APAF1: variants seen among roughly 807,000 people sequenced by gnomAD.
APAF1 encodes apoptotic protease-activating factor 1.
Under a neutral mutation model 152.4 loss-of-function variants are expected in APAF1, and 91 were observed. That is an observed-to-expected ratio of 0.60 (90% confidence interval 0.50 to 0.71). APAF1 has a LOEUF of 0.71. Among genes scored for constraint, APAF1 ranks in the 30% least tolerant of loss-of-function variants. The probability of loss-of-function intolerance (pLI) is 0.00; values close to 1 mark genes in which losing one functional copy is unlikely to be tolerated. For missense variants in APAF1, 1,283 were observed against 1,472.0 expected, an observed-to-expected ratio of 0.87 and a Z score of 2.10; for synonymous variants, 484 against 494.1, an observed-to-expected ratio of 0.98 and a Z score of 0.27.
At chr12:98,709,939 G>C (rs1160556576) in intron 20 of APAF1, among the ~76,000 whole-genome samples, 1 of 152,150 alleles carries the variant, frequency 6.6e-6, no homozygotes, top group Non-Finnish European at 1.5e-5. Flanking sequence ...GCAGTGGCAC[G>C]ATCTTGGCTC....
At chr12:98,673,785 A>G (rs756138030) in intron 12 of APAF1, among the ~76,000 whole-genome samples, 2 of 152,234 alleles carry the variant, frequency 1.3e-5, no homozygotes, top group African/African-American at 4.8e-5. Context: ...AAGGAGTTCA[A>G]AATCTCGTAG....
At chr12:98,648,986 C>T in intron 3 of APAF1, 171 bp downstream of exon 3, 2 of 788,716 alleles carry the variant, frequency 2.5e-6, no homozygotes, top group South Asian at 1.5e-5. Context: ...TCCACATTAA[C>T]TCTCAACTTT....
chr12:98,683,544 G>T lies in APAF1; in HGVS notation c.2178+270G>T, dbSNP rs927890794. Among the ~76,000 whole-genome samples, 4 of 152,192 alleles carry T rather than the reference G, an allele frequency of 2.6e-5. No homozygotes were observed. In the East Asian group the frequency reaches 7.7e-4, roughly 29 times the overall value. Reference sequence around the variant, plus strand: ...GGCTCTACCTCCCTTTCCATCTCCAGAGTCTTGACTTCCTCTGTGTTGGTT... The same window carrying T: ...GGCTCTACCTCCCTTTCCATCTCCATAGTCTTGACTTCCTCTGTGTTGGTT... On this transcript the variant is annotated intron_variant, in intron 15 of 26. Coordinates refer to ENST00000551964, the MANE Select transcript of APAF1 (RefSeq NM_181861.2).
chr12:98,707,928 G>A (rs1438144427), intron 19 of APAF1, among the ~76,000 whole-genome samples: 1 of 152,108 alleles, frequency 6.6e-6, no homozygotes, highest in Non-Finnish European at 1.5e-5. Context: ...TGATGTAGTT[G>A]ATTTACGTTC....
intron 24 of APAF1, 150 bp downstream of exon 24, chr12:98,723,914 G>T: frequency 1.2e-6 from 1 of 826,334 alleles, no homozygotes; most frequent in Non-Finnish European, 2.0e-6. Flanking sequence ...TTGGCATTTA[G>T]TTGGTATCAA....
chr12:98,652,023 G>A (rs2097649643), intron 4 of APAF1, among the ~76,000 whole-genome samples: 1 of 152,048 alleles, frequency 6.6e-6, no homozygotes, highest in African/African-American at 2.4e-5. Context: ...TCATGTTACC[G>A]AGGTTGGTCT....
intron 21 of APAF1, among the ~76,000 whole-genome samples, chr12:98,713,034 G>T (rs1290047738): frequency 2.6e-5 from 4 of 152,102 alleles, no homozygotes; most frequent in Admixed American, 2.6e-4. Flanking sequence ...GCCCAGGCTG[G>T]CCTTAAACTC....
rs1253685007 is a variant in APAF1 at position 98,712,621 on chromosome 12, A to G, written c.2958+186A>G. 7.0e-6 allele frequency: 4 copies of G among 568,094 alleles called. No homozygotes were observed. The East Asian group carries it at 9.3e-5, about 13-fold the overall frequency. The allele number at this position is 568,094 out of a possible 1,614,324, so 35.2% of individuals were successfully genotyped here. A position where few individuals can be genotyped will look rare whatever the true frequency, so the allele number is the denominator to read the frequency against. Reference sequence around the variant, plus strand: ...AGCCTTGACCTTCTGAGCTCAAGTGATTTTCCCACTTAAGCCTCCTGAGTA... The same window carrying G: ...AGCCTTGACCTTCTGAGCTCAAGTGGTTTTCCCACTTAAGCCTCCTGAGTA... On this transcript the variant is annotated intron_variant, in intron 21 of 26. Coordinates refer to ENST00000551964, the MANE Select transcript of APAF1 (RefSeq NM_181861.2).
Position 98,677,583 on chromosome 12 carries a change from A to C in APAF1, c.1920+32A>C, listed in dbSNP as rs142801831. On this transcript the variant is annotated intron_variant, in intron 13 of 26. Transcript: ENST00000551964. ...CACATCTCTTGAGAAAAATGCAAAG[A>C]GGCATGTATCCAGTTTTGTGCAGAT... 1.8e-4 allele frequency: 288 copies of C among 1,613,978 alleles called. No individual in the cohort carries two copies. The African/African-American group carries it at 2.7e-3, about 15-fold the overall frequency.
intron 15 of APAF1, among the ~76,000 whole-genome samples, chr12:98,686,431 T>C (rs2097698101): frequency 6.6e-6 from 1 of 152,226 alleles, no homozygotes; most frequent in South Asian, 2.1e-4. Context: ...TTTTTGTAAC[T>C]GAGTAAAATA....
chr12:98,709,575 G>A (rs1196094539), intron 20 of APAF1, among the ~76,000 whole-genome samples: 17 of 152,120 alleles, frequency 1.1e-4, no homozygotes, highest in Admixed American at 1.1e-3. Flanking sequence ...GTAGATAGTG[G>A]CAGCAAGAGA....
chr12:98,722,360 CTT>C (rs955847970), intron 22 of APAF1, among the ~76,000 whole-genome samples: 6 of 152,144 alleles, frequency 3.9e-5, no homozygotes, highest in African/African-American at 1.4e-4. Flanking sequence ...TTGCTAAACT[CTT>C]AAGTTTCTTT....
chr12:98,659,070 A>G lies in APAF1; in HGVS notation c.527-90A>G, dbSNP rs575434651. 25 of 1,268,778 alleles carry G rather than the reference A, an allele frequency of 2.0e-5. No homozygotes were observed. The African/African-American group carries it at 2.4e-4, about 12-fold the overall frequency. 78.6% of individuals were successfully genotyped at this position (1,268,778 alleles called of 1,614,324 possible). On this transcript the variant is annotated intron_variant, in intron 4 of 26. Transcript: ENST00000551964. ...AGTTGAAGATGTGATGGGATTGTAA[A>G]TTGGAGTAAATCTGATGCTTAACAG...
chr12:98,649,772 G>A, intron 4 of APAF1, 88 bp downstream of exon 4: 2 of 1,194,342 alleles, frequency 1.7e-6, no homozygotes, highest in South Asian at 2.6e-5. Flanking sequence ...AAATTGAATG[G>A]TAGAAACAAG....
chr12:98,679,812 G>A (rs1258922716), intron 13 of APAF1, among the ~76,000 whole-genome samples: 2 of 152,264 alleles, frequency 1.3e-5, no homozygotes, highest in African/African-American at 4.8e-5. Context: ...TGCCTGCCCC[G>A]CTGCAGCAGT....
chr12:98,721,312 T>C (rs1268826540), intron 22 of APAF1, among the ~76,000 whole-genome samples: 7 of 152,220 alleles, frequency 4.6e-5, no homozygotes, highest in Admixed American at 2.0e-4. Flanking sequence ...GCTGTCTGAG[T>C]TCTTGATGCA....
rs1048546876 is a variant in APAF1 at position 98,727,326 on chromosome 12, C to T, written c.3600+10C>T. ...TGGAGGATATATTAAGGTAAGAGTT[C>T]CCCAAGAACTGTGAAAGAAAATAAT... On this transcript the variant is annotated intron_variant, in intron 26 of 26. Transcript: ENST00000551964. The T allele has an allele frequency of 3.1e-6, 5 of 1,613,672 alleles. No homozygotes were observed. The highest frequency in any genetic ancestry group is 1.3e-5 in the African/African-American group (1 of 74,880).
chr12:98,708,808 C>G, intron 20 of APAF1, 104 bp downstream of exon 20: 1 of 1,142,588 alleles, frequency 8.8e-7, no homozygotes, highest in Non-Finnish European at 1.3e-6. Context: ...TATTTTGTAT[C>G]TAACAGGTGT....
Position 98,723,275 on chromosome 12 carries a change from C to G in APAF1, c.3167C>G (p.Ser1056Ter). The change falls in exon 23 of 27, where the codon TCA (serine) becomes TGA (stop). Residue 1056 changes from serine (S) to a stop codon, truncating the protein, a stop_gained. Coordinates refer to ENST00000551964, the MANE Select transcript of APAF1 (RefSeq NM_181861.2). LOFTEE classifies it high-confidence loss of function. The stretch of plus-strand genomic sequence containing the variant: ...AAAGACTTTAGACTCTTGAAAAATT[C>G]AAGACTGCTTTCTTGGTCATTTGAT... ...TVKDFRLLKN[S>*]RLLSWSFDGT... 2.5e-6 allele frequency: 4 copies of G among 1,613,720 alleles called. No homozygotes were observed. The highest frequency in any genetic ancestry group is 3.4e-6 in the Non-Finnish European group (4 of 1,179,736).
Sources: gnomAD v4.1 joint callset for allele counts (sites outside exome capture counted in the v4.1 genomes callset) on GRCh38, gnomAD v4.1.1 for gene constraint, MANE v1.5 for transcripts, NCBI Gene and HGNC (gene_info 2026-07-23, HGNC 2026-07-21) for gene names.